The following OR51B5 variants were observed in gnomAD, a reference collection of about 807,000 sequenced individuals.
The protein encoded by OR51B5 is olfactory receptor family 51 subfamily B member 5.
For synonymous variants in OR51B5, 186 were observed against 144.8 expected, an observed-to-expected ratio of 1.28 and a Z score of -2.04; for missense variants, 456 against 374.6, an observed-to-expected ratio of 1.22 and a Z score of -1.79.
intron 1 of OR51B5, among the ~76,000 whole-genome samples, chr11:5,376,326 A>G (rs1273118821): frequency 6.6e-6 from 1 of 152,212 alleles, no homozygotes; most frequent in Non-Finnish European, 1.5e-5. Context: ...TGTAGGGGGA[A>G]ATTTATAGCA....
chr11:5,478,275 T>C (rs1029552790), intron 1 of OR51B5, among the ~76,000 whole-genome samples: 3 of 151,888 alleles, frequency 2.0e-5, no homozygotes, highest in African/African-American at 7.3e-5. Flanking sequence ...CGGCAGGGTA[T>C]TCCAACAGAC....
intron 1 of OR51B5, among the ~76,000 whole-genome samples, chr11:5,438,377 T>C (rs1263551156): frequency 1.3e-5 from 2 of 148,908 alleles, no homozygotes; most frequent in Non-Finnish European, 3.0e-5. Context: ...TTATCCAGTC[T>C]CAAAAGTGCA....
At chr11:5,382,881 C>A (rs972091361) in intron 1 of OR51B5, among the ~76,000 whole-genome samples, 1 of 152,070 alleles carries the variant, frequency 6.6e-6, no homozygotes, top group Non-Finnish European at 1.5e-5. Flanking sequence ...GATCTGTATG[C>A]CCCGTTTTGG....
intron 1 of OR51B5, among the ~76,000 whole-genome samples, chr11:5,492,303 C>A (rs1161381695): frequency 6.6e-6 from 1 of 152,060 alleles, no homozygotes; most frequent in African/African-American, 2.4e-5. Flanking sequence ...AAAATAAATT[C>A]TTCCCTCTGA....
chr11:5,365,874 G>C (rs1849357019), intron 1 of OR51B5, among the ~76,000 whole-genome samples: 1 of 152,198 alleles, frequency 6.6e-6, no homozygotes, highest in Admixed American at 6.5e-5. Context: ...ACCATTCTTA[G>C]AGGAACTCTG....
downstream of OR51B5, among the ~76,000 whole-genome samples, chr11:5,342,012 TGGAG>T (rs771571515): frequency 1.3e-5 from 2 of 152,176 alleles, no homozygotes; most frequent in Non-Finnish European, 2.9e-5. Context: ...TATAATTTGA[TGGAG>T]GGAGGAGGAA....
At chr11:5,373,906 C>T (rs1227303747) in intron 1 of OR51B5, among the ~76,000 whole-genome samples, 3 of 152,066 alleles carry the variant, frequency 2.0e-5, no homozygotes, top group African/African-American at 7.2e-5. Context: ...GGGCAGGGCA[C>T]AGACAAACAA....
At chr11:5,445,372 G>A (rs924894080) in intron 1 of OR51B5, among the ~76,000 whole-genome samples, 3 of 152,160 alleles carry the variant, frequency 2.0e-5, no homozygotes, top group East Asian at 1.9e-4. Context: ...AGTGTGTTAT[G>A]TATTTTTTGT....
At chr11:5,358,559 G>A (rs994434866) in intron 1 of OR51B5, among the ~76,000 whole-genome samples, 2 of 152,172 alleles carry the variant, frequency 1.3e-5, no homozygotes, top group Non-Finnish European at 2.9e-5. Flanking sequence ...AATTCTACCA[G>A]AGGTACAAGG....
intron 1 of OR51B5, among the ~76,000 whole-genome samples, chr11:5,401,937 ATTAT>A (rs1849976642): frequency 4.5e-5 from 5 of 110,094 alleles, no homozygotes; most frequent in South Asian, 5.6e-4. Flanking sequence ...CTTTTCTTTT[ATTAT>A]TCTTTCCTCT....
chr11:5,359,189 G>A (rs184803497), intron 1 of OR51B5, among the ~76,000 whole-genome samples: 1 of 151,808 alleles, frequency 6.6e-6, no homozygotes. Flanking sequence ...ATTAGGAAAA[G>A]AGGAAGTCAA....
chr11:5,344,303 C>T (rs1417919268), upstream of OR51B5, among the ~76,000 whole-genome samples: 1 of 152,194 alleles, frequency 6.6e-6, no homozygotes, highest in Non-Finnish European at 1.5e-5. Flanking sequence ...TCAGTTTAAA[C>T]ATCTTACTGT....
chr11:5,431,870 TAA>T (rs1850539396), intron 1 of OR51B5, among the ~76,000 whole-genome samples: 1 of 152,190 alleles, frequency 6.6e-6, no homozygotes, highest in African/African-American at 2.4e-5. Context: ...TTTAAGTTTT[TAA>T]AAAAGTTTTA....
At chr11:5,483,534 GAA>G (rs1413567608) in intron 1 of OR51B5, among the ~76,000 whole-genome samples, 2 of 137,782 alleles carry the variant, frequency 1.5e-5, no homozygotes, top group African/African-American at 5.6e-5. Context: ...GAAAAGAAAA[GAA>G]AGAGTAGAAA....
chr11:5,483,956 G>A (rs1426495609), intron 1 of OR51B5, among the ~76,000 whole-genome samples: 1 of 152,070 alleles, frequency 6.6e-6, no homozygotes, highest in Non-Finnish European at 1.5e-5. Flanking sequence ...TGAACCTGCA[G>A]AGAAACACAG....
downstream of OR51B5, among the ~76,000 whole-genome samples, chr11:5,342,149 C>T (rs1848905204): frequency 6.6e-6 from 1 of 151,970 alleles, no homozygotes; most frequent in African/African-American, 2.4e-5. Context: ...TTTGTATGGA[C>T]ACCTGCAGAG....
intron 1 of OR51B5, among the ~76,000 whole-genome samples, chr11:5,414,793 C>G (rs1277067588): frequency 6.6e-6 from 1 of 152,152 alleles, no homozygotes; most frequent in Non-Finnish European, 1.5e-5. Context: ...TAGTGACCTA[C>G]AAAGAGATTT....
intron 1 of OR51B5, among the ~76,000 whole-genome samples, chr11:5,445,205 C>T (rs995434979): frequency 2.0e-5 from 3 of 152,048 alleles, no homozygotes; most frequent in African/African-American, 7.2e-5. Flanking sequence ...GAAATAGAGA[C>T]TTAAAGAAAT....
intron 1 of OR51B5, among the ~76,000 whole-genome samples, chr11:5,434,645 G>A (rs886769372): frequency 2.0e-5 from 3 of 152,146 alleles, no homozygotes; most frequent in Non-Finnish European, 4.4e-5. Context: ...ATGAAAAGAG[G>A]AACATGCAGG....
Sources: gnomAD v4.1 joint callset for allele counts (sites outside exome capture counted in the v4.1 genomes callset) on GRCh38, gnomAD v4.1.1 for gene constraint, MANE v1.5 for transcripts, NCBI Gene and HGNC (gene_info 2026-07-23, HGNC 2026-07-21) for gene names.